Variants in SHQ1 observed in about 807,000 individuals in gnomAD.
The protein encoded by SHQ1 is protein SHQ1 homolog.
In SHQ1, 49 loss-of-function variants were observed where a neutral mutation model predicts 53.8. The observed-to-expected ratio is 0.91, with a 90% CI of 0.72 to 1.16. The LOEUF is 1.16. Among genes scored for constraint, SHQ1 ranks in the 50% most tolerant of loss-of-function variants. The pLI, the probability that SHQ1 is intolerant of heterozygous loss-of-function variation, is 0.00. For missense variants in SHQ1, 738 were observed against 683.1 expected, an observed-to-expected ratio of 1.08 and a Z score of -0.90; for synonymous variants, 243 against 251.0, an observed-to-expected ratio of 0.97 and a Z score of 0.30.
At chr3:72,834,785 G>C (rs1707938482) in intron 4 of SHQ1, among the ~76,000 whole-genome samples, 1 of 152,202 alleles carries the variant, frequency 6.6e-6, no homozygotes, top group African/African-American at 2.4e-5. Context: ...CTCAGCTCCA[G>C]TGGAATCATG....
In SHQ1 at chr3:72,817,337, T is replaced by C; in HGVS notation, c.775A>G (p.Lys259Glu). ...EKYQLRKFVN[K>E]SYLLDKRACR... Reference sequence around the variant, plus strand: ...GCTCTCTTGTCCAGCAGATAAGATTTATTGACAAATTTTCGTAGCTGATAC... The same window carrying C: ...GCTCTCTTGTCCAGCAGATAAGATTCATTGACAAATTTTCGTAGCTGATAC... The change falls in exon 7 of 11, where the codon AAA becomes GAA. Residue 259 changes from lysine to glutamate, a missense_variant. Coordinates refer to ENST00000325599, the MANE Select transcript of SHQ1 (RefSeq NM_018130.3). The C allele has an allele frequency of 1.2e-6, 2 of 1,613,198 alleles. No individual in the cohort carries two copies. The highest frequency in any genetic ancestry group is 1.7e-6 in the Non-Finnish European group (2 of 1,179,422).
intron 9 of SHQ1, among the ~76,000 whole-genome samples, chr3:72,806,045 T>C (rs1027242087): frequency 2.2e-4 from 33 of 152,354 alleles, no homozygotes; most frequent in Admixed American, 5.9e-4. Context: ...TTTACGTTTA[T>C]ATATAATATC....
At chr3:72,819,090 T>C (rs1403993691) in intron 6 of SHQ1, among the ~76,000 whole-genome samples, 1 of 152,194 alleles carries the variant, frequency 6.6e-6, no homozygotes, top group East Asian at 1.9e-4. Flanking sequence ...TCATGGAAAC[T>C]GAGATCATGA....
At chr3:72,781,216 T>C (rs1706065126) in intron 10 of SHQ1, among the ~76,000 whole-genome samples, 1 of 151,808 alleles carries the variant, frequency 6.6e-6, no homozygotes. Context: ...CGTGCCACCA[T>C]GCTAATTTTT....
chr3:72,796,231 G>C (rs1275429437), intron 9 of SHQ1, among the ~76,000 whole-genome samples: 2 of 151,762 alleles, frequency 1.3e-5, no homozygotes, highest in African/African-American at 2.4e-5. Context: ...GTAGAAATCA[G>C]ACACTAACAA....
intron 5 of SHQ1, 74 bp downstream of exon 5, chr3:72,832,295 G>A: frequency 1.8e-6 from 2 of 1,100,680 alleles, no homozygotes; most frequent in South Asian, 2.6e-5. Flanking sequence ...CCCTAGCAGA[G>A]TTTAAAAGAC....
chr3:72,788,136 C>T (rs988546732), intron 10 of SHQ1, among the ~76,000 whole-genome samples: 3 of 152,264 alleles, frequency 2.0e-5, no homozygotes, highest in East Asian at 3.9e-4. Flanking sequence ...CGGCCGCCAC[C>T]CCGTCTAGTA....
chr3:72,753,034 A>T, intron 10 of SHQ1: 1 of 985,240 alleles, frequency 1.0e-6, no homozygotes, highest in Non-Finnish European at 1.2e-6. Flanking sequence ...AAACTTTTCC[A>T]TTATTAACTT....
At chr3:72,814,022 A>T (rs978588154) in intron 8 of SHQ1, among the ~76,000 whole-genome samples, 1 of 151,992 alleles carries the variant, frequency 6.6e-6, no homozygotes, top group Non-Finnish European at 1.5e-5. Context: ...TTGTTTTTTG[A>T]TAAACAAAGT....
Position 72,768,903 on chromosome 3 carries a change from G to A in SHQ1, c.1182-18067C>T, listed in dbSNP as rs116236861. On this transcript the variant is annotated intron_variant, in intron 10 of 10. Transcript: ENST00000325599. ...TCCAAAATTGATTGCACTATAATAC[G>A]GTCACTGCTGCCATCCAGGTGCCAC... is the stretch of plus-strand genomic sequence containing the variant. Among the ~76,000 whole-genome samples the A allele has an allele frequency of 4.7e-3, 713 of 152,222 alleles. 2 individuals carry two copies. Among genetic ancestry groups the A allele is most frequent in the African/African-American group, 0.015 (622 of 41,546 alleles).
At chr3:72,819,271 T>C (rs1195112461) in intron 6 of SHQ1, among the ~76,000 whole-genome samples, 2 of 152,206 alleles carry the variant, frequency 1.3e-5, no homozygotes, top group East Asian at 1.9e-4. Context: ...CCCATTCGAA[T>C]GTGTTTTGTC....
downstream of SHQ1, among the ~76,000 whole-genome samples, chr3:72,745,573 G>A (rs945936516): frequency 1.1e-4 from 17 of 151,978 alleles, no homozygotes; most frequent in Admixed American, 1.3e-4. Context: ...ACCACTAGCC[G>A]GCCTCTGTAG....
At chr3:72,839,789 C>G (rs925077746) in intron 4 of SHQ1, among the ~76,000 whole-genome samples, 9 of 152,194 alleles carry the variant, frequency 5.9e-5, no homozygotes, top group African/African-American at 2.2e-4. Context: ...GAGACAGAGT[C>G]TCACACTGTT....
chr3:72,769,325 C>G (rs187465238), intron 10 of SHQ1, among the ~76,000 whole-genome samples: 1 of 152,188 alleles, frequency 6.6e-6, no homozygotes, highest in African/African-American at 2.4e-5. Flanking sequence ...TGTTGACAAC[C>G]AATTTAAAGT....
At chr3:72,792,532 T>C (rs1185949074) in intron 10 of SHQ1, among the ~76,000 whole-genome samples, 1 of 152,124 alleles carries the variant, frequency 6.6e-6, no homozygotes, top group East Asian at 1.9e-4. Context: ...ACACCTGTAA[T>C]CCCAGCACTC....
intron 9 of SHQ1, among the ~76,000 whole-genome samples, chr3:72,800,918 T>G: frequency 6.6e-6 from 1 of 152,232 alleles, no homozygotes; most frequent in Non-Finnish European, 1.5e-5. Context: ...CCAAGGCTGC[T>G]TTTTGCCTTT....
At chr3:72,822,745 C>T (rs1455035247) in intron 6 of SHQ1, among the ~76,000 whole-genome samples, 3 of 152,166 alleles carry the variant, frequency 2.0e-5, no homozygotes, top group African/African-American at 4.8e-5. Flanking sequence ...GTTAGCAATC[C>T]TAAACCTGAA....
intron 10 of SHQ1, among the ~76,000 whole-genome samples, chr3:72,777,448 C>A (rs1176169782): frequency 6.6e-6 from 1 of 152,204 alleles, no homozygotes; most frequent in Non-Finnish European, 1.5e-5. Flanking sequence ...AAAAGATGCT[C>A]AGCTTCACTA....
chr3:72,757,095 A>C (rs2106710665), intron 10 of SHQ1, among the ~76,000 whole-genome samples: 1 of 152,334 alleles, frequency 6.6e-6, no homozygotes, highest in Non-Finnish European at 1.5e-5. Flanking sequence ...GTCTCAAACT[A>C]TCAATCAACT....
Sources: allele counts gnomAD v4.1 joint callset (sites outside exome capture counted in the v4.1 genomes callset), GRCh38; gene constraint gnomAD v4.1.1; transcripts MANE v1.5; gene names NCBI Gene and HGNC (gene_info 2026-07-23, HGNC 2026-07-21).